The following LRBA variants were observed in gnomAD, a reference collection of about 807,000 sequenced individuals.
The protein encoded by LRBA is LPS responsive beige-like anchor protein.
In LRBA, 176 loss-of-function variants were observed where a neutral mutation model predicts 330.0. The observed-to-expected ratio is 0.53, with a 90% CI of 0.47 to 0.60. LRBA has a LOEUF of 0.60. LRBA is among the 20% of genes least tolerant of loss of function. The pLI, the probability that LRBA is intolerant of heterozygous loss-of-function variation, is 0.00. For missense variants in LRBA, 3,259 were observed against 3,444.8 expected, an observed-to-expected ratio of 0.95 and a Z score of 1.35; for synonymous variants, 1,230 against 1,193.0, an observed-to-expected ratio of 1.03 and a Z score of -0.64.
chr4:150,318,160 T>C (rs1237914299), intron 50 of LRBA, among the ~76,000 whole-genome samples: 2 of 152,118 alleles, frequency 1.3e-5, no homozygotes, highest in African/African-American at 4.8e-5. Flanking sequence ...CCCTCTTTCA[T>C]TAGAGCAGGA....
intron 5 of LRBA, among the ~76,000 whole-genome samples, chr4:150,918,663 T>G (rs988537511): frequency 6.6e-6 from 1 of 152,126 alleles, no homozygotes; most frequent in Non-Finnish European, 1.5e-5. Context: ...GACACAAGAA[T>G]CGCTTGAACC....
chr4:150,707,128 T>C (rs1785704945), intron 36 of LRBA, among the ~76,000 whole-genome samples: 1 of 151,638 alleles, frequency 6.6e-6, no homozygotes, highest in Non-Finnish European at 1.5e-5. Flanking sequence ...CCCTGAAAAA[T>C]TCATCTAACA....
chr4:150,321,796 T>C lies in LRBA; in HGVS notation c.7453-428A>G, dbSNP rs1445771902. ...AAACAGTAAGAATGGACAACAGGCATAAAAGCAAGACAAGGTAATTTCCAA... is the reference window on the plus strand; with the variant it reads ...AAACAGTAAGAATGGACAACAGGCACAAAAGCAAGACAAGGTAATTTCCAA... On this transcript the variant is annotated intron_variant, in intron 49 of 56. Coordinates refer to ENST00000651943, the MANE Select transcript of LRBA (RefSeq NM_001364905.1). The surrounding 1 kb of genome is among the most constrained non-coding windows in gnomAD (Gnocchi z 4.5). Among the ~76,000 whole-genome samples the C allele has an allele frequency of 1.3e-5, 2 of 152,078 alleles. No homozygotes were observed. The highest frequency in any genetic ancestry group is 1.9e-4 in the East Asian group (1 of 5,186).
chr4:150,326,371 G>C (rs536129102), intron 48 of LRBA, among the ~76,000 whole-genome samples: 1 of 152,222 alleles, frequency 6.6e-6, no homozygotes, highest in African/African-American at 2.4e-5. Context: ...TATTAATTTT[G>C]CCATAGGAAG....
At chr4:150,952,254 A>ATGTG (rs5862943) in intron 2 of LRBA, among the ~76,000 whole-genome samples, 11 of 150,370 alleles carry the variant, frequency 7.3e-5, no homozygotes, top group Non-Finnish European at 1.3e-4. Context: ...CCTGTTGTAT[A>ATGTG]TGTGTGTGTG....
chr4:150,363,177 G>A (rs1366964896), intron 47 of LRBA, among the ~76,000 whole-genome samples: 1 of 151,940 alleles, frequency 6.6e-6, no homozygotes, highest in Non-Finnish European at 1.5e-5. Context: ...CTCATGTACA[G>A]TACTATAACC....
At chr4:150,750,607 T>G (rs1224574667) in intron 35 of LRBA, among the ~76,000 whole-genome samples, 4 of 151,978 alleles carry the variant, frequency 2.6e-5, no homozygotes, top group Non-Finnish European at 1.5e-5. Context: ...ACTACCCAAT[T>G]TTTTTTAAAG....
At chr4:150,861,030 T>G (rs1250547414) in intron 22 of LRBA, among the ~76,000 whole-genome samples, 1 of 152,182 alleles carries the variant, frequency 6.6e-6, no homozygotes, top group African/African-American at 2.4e-5. Context: ...AGCTTATTAC[T>G]GTACAGAAGA....
intron 37 of LRBA, among the ~76,000 whole-genome samples, chr4:150,606,737 T>C (rs1225593390): frequency 6.6e-6 from 1 of 152,180 alleles, no homozygotes; most frequent in African/African-American, 2.4e-5. Context: ...TTTCACTACA[T>C]AGCATTTCCT....
rs567938245 is a variant in LRBA at position 150,957,538 on chromosome 4, C to T, written c.217-28473G>A. On this transcript the variant is annotated intron_variant, in intron 2 of 56. Coordinates refer to ENST00000651943, the MANE Select transcript of LRBA (RefSeq NM_001364905.1). ...CAGCCAAACCATATCATTCTGCCCA[C>T]GGCCCCTCCCAAATCTCATATCCTC... 2.1e-4 allele frequency among the ~76,000 whole-genome samples: 31 copies of T among 148,394 alleles called. No homozygotes were observed. The East Asian group carries it at 5.8e-3, about 28-fold the overall frequency.
intron 30 of LRBA, among the ~76,000 whole-genome samples, chr4:150,817,660 A>G (rs1744807074): frequency 6.6e-6 from 1 of 151,864 alleles, no homozygotes; most frequent in Non-Finnish European, 1.5e-5. Context: ...AAAAAAGCAG[A>G]TATAAGCAAT....
rs587777514 is a variant in LRBA, at chr4:150,583,769, G to A, written c.6330+4279C>T. 3.1e-6 allele frequency: 5 copies of A among 1,613,940 alleles called. No individual in the cohort carries two copies. The highest frequency in any genetic ancestry group is 4.2e-6 in the Non-Finnish European group (5 of 1,180,008). On this transcript the variant is annotated intron_variant, in intron 40 of 56. Transcript: ENST00000651943. The surrounding 1 kb of genome is among the most constrained non-coding windows in gnomAD (Gnocchi z 9.8). ...AACCGCCTGCTGATGGGCGGCTGCC[G>A]AAACAAGTGCCTCTCAGTGCTGAAG... is the stretch of plus-strand genomic sequence containing the variant.
chr4:150,816,048 A>G (rs1018949217), intron 31 of LRBA, among the ~76,000 whole-genome samples: 1 of 152,032 alleles, frequency 6.6e-6, no homozygotes, highest in African/African-American at 2.4e-5. Context: ...ATGATTACAT[A>G]GTACACATCA....
chr4:150,528,836 A>G (rs185885014), intron 40 of LRBA, among the ~76,000 whole-genome samples: 1 of 152,308 alleles, frequency 6.6e-6, no homozygotes, highest in East Asian at 1.9e-4. Flanking sequence ...AATAACTGGG[A>G]AAATGGCTGC....
At chr4:150,835,420 A>C (rs1747880048) in intron 28 of LRBA, among the ~76,000 whole-genome samples, 1 of 152,136 alleles carries the variant, frequency 6.6e-6, no homozygotes. Context: ...CATGATATTG[A>C]TTCTTCCTAT....
chr4:150,470,876 C>CACACA (rs1554034850), intron 43 of LRBA, among the ~76,000 whole-genome samples: 1 of 143,708 alleles, frequency 7.0e-6, no homozygotes, highest in African/African-American at 2.6e-5. Context: ...CACACACACA[C>CACACA]CACACACTAA....
chr4:150,331,143 G>C (rs1733945228), intron 48 of LRBA, among the ~76,000 whole-genome samples: 1 of 152,146 alleles, frequency 6.6e-6, no homozygotes, highest in Non-Finnish European at 1.5e-5. Flanking sequence ...TTAAGGTCAA[G>C]TGAGAAATCC....
chr4:150,524,477 C>T (rs1009844504), intron 40 of LRBA, among the ~76,000 whole-genome samples: 1 of 152,066 alleles, frequency 6.6e-6, no homozygotes, highest in African/African-American at 2.4e-5. Flanking sequence ...GGGCACAAAC[C>T]CTGATTTCAC....
chr4:150,685,412 ATATATATATTTTT>A (rs1783489938), intron 36 of LRBA, among the ~76,000 whole-genome samples: 1 of 18,672 alleles, frequency 5.4e-5, no homozygotes, highest in Non-Finnish European at 1.0e-4. Context: ...ATATATATAT[ATATATATATTTTT>A]TTTTTTTTTT....
Sources: allele counts gnomAD v4.1 joint callset (sites outside exome capture counted in the v4.1 genomes callset), GRCh38; gene constraint gnomAD v4.1.1; non-coding constraint Gnocchi (gnomAD v3.1); transcripts MANE v1.5; gene names NCBI Gene and HGNC (gene_info 2026-07-23, HGNC 2026-07-21).